Variants in CNTN4 observed in about 807,000 individuals in gnomAD.
CNTN4 encodes contactin 4, also known as contactin-4.
CNTN4 carries 77 observed loss-of-function variants against 122.5 expected under a neutral mutation model. That is an observed-to-expected ratio of 0.63 (90% CI 0.52 to 0.76). The LOEUF (loss-of-function observed/expected upper bound fraction) is 0.76, where lower values mean the gene tolerates loss of function less well. CNTN4 is among the 30% of genes least tolerant of loss of function. The pLI is 0.00. For missense variants in CNTN4, 1,256 were observed against 1,259.1 expected (o/e 1.00, Z 0.04); for synonymous variants, 512 against 447.0 (o/e 1.15, Z -1.83).
intron 14 of CNTN4, among the ~76,000 whole-genome samples, chr3:3,025,322 TTTA>T (rs1156286140): frequency 6.6e-6 from 1 of 152,196 alleles, no homozygotes; most frequent in Non-Finnish European, 1.5e-5. Flanking sequence ...TACAGCATTA[TTTA>T]TTATTTCTAA....
In CNTN4 at chr3:2,171,650, T is replaced by C. The variant is rs115957172; in HGVS notation, c.-145+71011T>C. ...TAAGCCAAACCAATTCTTAGAGATA[T>C]TCTGAATGACATATCCCAAAGCGCA... is the stretch of plus-strand genomic sequence containing the variant. On this transcript the variant is annotated intron_variant, in intron 2 of 24. Coordinates refer to ENST00000418658, the MANE Select transcript of CNTN4 (RefSeq NM_175607.3). Among the ~76,000 whole-genome samples the C allele has an allele frequency of 5.8e-3, 886 of 152,352 alleles. 11 individuals carry two copies. Among genetic ancestry groups the C allele is most frequent in the African/African-American group, 0.02 (833 of 41,584 alleles).
intron 8 of CNTN4, among the ~76,000 whole-genome samples, chr3:2,879,624 G>C (rs553399079): frequency 7.1e-6 from 1 of 141,724 alleles, no homozygotes; most frequent in Admixed American, 7.2e-5. Flanking sequence ...TAATTTATAG[G>C]AAATATTCAG....
intron 4 of CNTN4, among the ~76,000 whole-genome samples, chr3:2,692,643 T>G (rs2085803747): frequency 6.6e-6 from 1 of 152,180 alleles, no homozygotes; most frequent in South Asian, 2.1e-4. Context: ...AAATATTTTT[T>G]GTCGCACACA....
chr3:2,721,121 G>A (rs1420050557), intron 4 of CNTN4, among the ~76,000 whole-genome samples: 1 of 151,998 alleles, frequency 6.6e-6, no homozygotes, highest in African/African-American at 2.4e-5. Context: ...ACAGGCATGT[G>A]CCACCACACC....
chr3:2,829,361 G>A (rs559858876), intron 7 of CNTN4, among the ~76,000 whole-genome samples: 3 of 152,152 alleles, frequency 2.0e-5, no homozygotes, highest in African/African-American at 4.8e-5. Context: ...GGAGTGTTTC[G>A]TGTTTAGGAG....
intron 6 of CNTN4, among the ~76,000 whole-genome samples, chr3:2,809,556 C>G (rs938564089): frequency 6.6e-6 from 1 of 152,148 alleles, no homozygotes; most frequent in Non-Finnish European, 1.5e-5. Context: ...GGCCAAATGC[C>G]TTCTGAAACC....
intron 2 of CNTN4, among the ~76,000 whole-genome samples, chr3:2,163,797 A>G (rs1163111107): frequency 6.6e-6 from 1 of 152,240 alleles, no homozygotes; most frequent in East Asian, 1.9e-4. Flanking sequence ...ATAACGAGAT[A>G]TAATCTCACA....
At chr3:2,210,682 C>T (rs1418070924) in intron 2 of CNTN4, among the ~76,000 whole-genome samples, 1 of 152,280 alleles carries the variant, frequency 6.6e-6, no homozygotes, top group South Asian at 2.1e-4. Context: ...GAGTGAGAGT[C>T]TCAACTTTGC....
intron 4 of CNTN4, among the ~76,000 whole-genome samples, chr3:2,643,646 TA>T (rs1211716839): frequency 3.3e-5 from 5 of 152,112 alleles, no homozygotes; most frequent in Admixed American, 3.3e-4. Context: ...AGAAGACACA[TA>T]AACAAGCCAA....
chr3:2,353,580 C>T (rs368676390), intron 3 of CNTN4, among the ~76,000 whole-genome samples: 3 of 151,952 alleles, frequency 2.0e-5, no homozygotes, highest in African/African-American at 7.2e-5. Flanking sequence ...ACGAACCCAC[C>T]GGGAGGAATG....
chr3:2,993,335 T>C (rs1559763499), intron 14 of CNTN4, among the ~76,000 whole-genome samples: 2 of 151,720 alleles, frequency 1.3e-5, no homozygotes, highest in Non-Finnish European at 2.9e-5. Context: ...TTCCCTGTTG[T>C]TGCCCAGGCT....
rs1378036044 is a variant in CNTN4, at chr3:2,714,198, T to A, written c.56-22017T>A. 2.6e-5 allele frequency among the ~76,000 whole-genome samples: 4 copies of A among 152,230 alleles called. No homozygotes were observed. In the East Asian group the frequency reaches 5.8e-4, roughly 22 times the overall value. ...TTCTCTAAATTTCACAACAATTTTT[T>A]TAAAAAAATCAGTATTATTAATAAA... On this transcript the variant is annotated intron_variant, in intron 4 of 24. Coordinates refer to ENST00000418658, the MANE Select transcript of CNTN4 (RefSeq NM_175607.3).
chr3:2,494,603 G>A (rs780604375), intron 3 of CNTN4, among the ~76,000 whole-genome samples: 12 of 152,142 alleles, frequency 7.9e-5, no homozygotes, highest in Non-Finnish European at 1.3e-4. Flanking sequence ...AATCTCTCCT[G>A]GATCAGGGAA....
chr3:2,485,374 C>G (rs2076125958), intron 3 of CNTN4, among the ~76,000 whole-genome samples: 1 of 152,226 alleles, frequency 6.6e-6, no homozygotes, highest in Admixed American at 6.5e-5. Context: ...CAGCTGGGCT[C>G]CTGAGTCTAG....
intron 2 of CNTN4, among the ~76,000 whole-genome samples, chr3:2,148,069 C>G (rs2035329321): frequency 6.6e-6 from 1 of 152,088 alleles, no homozygotes; most frequent in Non-Finnish European, 1.5e-5. Context: ...TAGTGTGTCT[C>G]AAGTTGGAAT....
In CNTN4 at chr3:2,747,363, G is replaced by T. The variant is rs551182156; in HGVS notation, c.358+1666G>T. Among the ~76,000 whole-genome samples the T allele has an allele frequency of 7.9e-5, 12 of 151,606 alleles. No individual in the cohort carries two copies. The South Asian group carries it at 1.7e-3, about 21-fold the overall frequency. On this transcript the variant is annotated intron_variant, in intron 6 of 24. Transcript: ENST00000418658. ...GGCGGAGCTTGCAGTGAGCCGAGAT[G>T]GCGCCACTGGACTCCAGCCTGGGCG... is the stretch of plus-strand genomic sequence containing the variant.
chr3:2,774,374 C>T lies in CNTN4; in HGVS notation c.358+28677C>T, dbSNP rs540466696. ...CTTCTGATCAACCTACCTTTCCTAC[C>T]GCCATTGTTCCTTCTCTCTTCCACG... On this transcript the variant is annotated intron_variant, in intron 6 of 24. Transcript: ENST00000418658. Among the ~76,000 whole-genome samples, 8 of 152,110 alleles carry T rather than the reference C, an allele frequency of 5.3e-5. No homozygotes were observed. In the South Asian group the frequency reaches 1.0e-3, roughly 20 times the overall value.
chr3:2,956,106 A>G (rs2094796887), intron 13 of CNTN4, among the ~76,000 whole-genome samples: 1 of 152,188 alleles, frequency 6.6e-6, no homozygotes, highest in East Asian at 1.9e-4. Context: ...TTCCAGCCTT[A>G]ACTAGGAATG....
intron 13 of CNTN4, among the ~76,000 whole-genome samples, chr3:2,986,175 A>G (rs1436360859): frequency 6.6e-6 from 1 of 152,216 alleles, no homozygotes; most frequent in South Asian, 2.1e-4. Context: ...TCAGCCCCCT[A>G]AAGTGCTAGA....
Sources: gnomAD v4.1 joint callset for allele counts (sites outside exome capture counted in the v4.1 genomes callset) on GRCh38, gnomAD v4.1.1 for gene constraint, MANE v1.5 for transcripts, NCBI Gene and HGNC (gene_info 2026-07-23, HGNC 2026-07-21) for gene names.